Variants in MSRA observed in about 807,000 individuals in gnomAD.
MSRA encodes methionine sulfoxide reductase A, also known as mitochondrial peptide methionine sulfoxide reductase.
MSRA carries 54 observed loss-of-function variants against 31.3 expected under a neutral mutation model. The ratio of observed to expected loss-of-function variants is 1.73; its 90% confidence interval spans 1.39 to 2.17. MSRA has a LOEUF of 2.17. Among genes scored for constraint, MSRA ranks in the 30% most tolerant of loss-of-function variants. The probability of loss-of-function intolerance (pLI) is 0.00; values close to 1 mark genes in which losing one functional copy is unlikely to be tolerated. For missense variants in MSRA, 507 were observed against 300.9 expected (o/e 1.69, Z -5.07); for synonymous variants, 169 against 116.5 (o/e 1.45, Z -2.90).
chr8:10,219,587 A>T (rs1810298749), intron 2 of MSRA, among the ~76,000 whole-genome samples: 1 of 152,004 alleles, frequency 6.6e-6, no homozygotes, highest in Non-Finnish European at 1.5e-5. Flanking sequence ...AGGTGGGTGG[A>T]TCACAAGGTC....
At chr8:10,343,376 G>A (rs11249991) in intron 5 of MSRA, among the ~76,000 whole-genome samples, 29,507 of 152,276 alleles carry the variant, frequency 0.19, 3,384 homozygotes, top group Non-Finnish European at 0.26. Flanking sequence ...AGTGTTTTCA[G>A]GGTGGAATGC....
chr8:10,332,132 G>C (rs907342563), intron 5 of MSRA, among the ~76,000 whole-genome samples: 1 of 152,106 alleles, frequency 6.6e-6, no homozygotes, highest in Non-Finnish European at 1.5e-5. Flanking sequence ...TTTGTTCCCA[G>C]GGAAATGGGT....
chr8:10,117,919 C>T (rs1287042124), intron 1 of MSRA, among the ~76,000 whole-genome samples: 1 of 152,158 alleles, frequency 6.6e-6, no homozygotes, highest in African/African-American at 2.4e-5. Context: ...CAAATGTAAC[C>T]TTTCATCTTG....
chr8:10,368,754 G>A (rs1805309368), intron 5 of MSRA, among the ~76,000 whole-genome samples: 2 of 152,368 alleles, frequency 1.3e-5, no homozygotes, highest in East Asian at 1.9e-4. Flanking sequence ...TAGGGACAGA[G>A]TGAATGTCAC....
intron 1 of MSRA, among the ~76,000 whole-genome samples, chr8:10,116,152 C>T (rs1325089066): frequency 6.6e-6 from 1 of 152,326 alleles, no homozygotes; most frequent in Non-Finnish European, 1.5e-5. Flanking sequence ...CACTAAAACT[C>T]AAGTTAGATT....
At chr8:10,143,036 G>T (rs750406854) in intron 1 of MSRA, among the ~76,000 whole-genome samples, 2 of 152,154 alleles carry the variant, frequency 1.3e-5, no homozygotes, top group South Asian at 2.1e-4. Flanking sequence ...GGAGTAAGAA[G>T]TAGAAGATTT....
chr8:10,290,342 C>T (rs2129116098), intron 3 of MSRA, among the ~76,000 whole-genome samples: 1 of 152,124 alleles, frequency 6.6e-6, no homozygotes, highest in South Asian at 2.1e-4. Context: ...AGTGCCCTGT[C>T]TTGAAATGGT....
rs142846182 is a variant in MSRA, at chr8:10,261,340, A to G, written c.331+16117A>G. Among the ~76,000 whole-genome samples the G allele has an allele frequency of 8.7e-3, 1,324 of 151,844 alleles. 16 individuals are homozygous for G. The highest frequency in any genetic ancestry group is 0.029 in the African/African-American group (1,200 of 41,412). Reference sequence around the variant, plus strand: ...TGCTAGGGACCGGATACAGTGGTGAACAGGATAAAATTGTTTCTGTCTTCA... The same window carrying G: ...TGCTAGGGACCGGATACAGTGGTGAGCAGGATAAAATTGTTTCTGTCTTCA... On this transcript the variant is annotated intron_variant, in intron 3 of 5. Coordinates refer to ENST00000317173, the MANE Select transcript of MSRA (RefSeq NM_012331.5).
rs1356623400 is a variant in MSRA, at chr8:10,209,215, T to A, written c.211+1314T>A. Among the ~76,000 whole-genome samples, 39 of 152,228 alleles carry A rather than the reference T, an allele frequency of 2.6e-4. 1 individual carries two copies. The highest frequency in any genetic ancestry group is 2.6e-3 in the Admixed American group (39 of 15,286). ...TGCTAACTTTCCTGTCCCAGCATGGTGTCTGTTATCATGGGACAGCAAATG... is the reference window on the plus strand; with the variant it reads ...TGCTAACTTTCCTGTCCCAGCATGGAGTCTGTTATCATGGGACAGCAAATG... On this transcript the variant is annotated intron_variant, in intron 2 of 5. Transcript: ENST00000317173.
intron 1 of MSRA, among the ~76,000 whole-genome samples, chr8:10,152,293 T>G (rs889478340): frequency 1.3e-5 from 2 of 152,370 alleles, no homozygotes; most frequent in African/African-American, 4.8e-5. Flanking sequence ...AAAATTGGAT[T>G]GAGTCATAAA....
At chr8:10,249,585 C>G (rs757247974) in intron 3 of MSRA, among the ~76,000 whole-genome samples, 1 of 152,302 alleles carries the variant, frequency 6.6e-6, no homozygotes, top group Admixed American at 6.5e-5. Flanking sequence ...TTACCTCACC[C>G]AGATGTTTTG....
At chr8:10,068,288 C>T (rs1390978202) in intron 1 of MSRA, among the ~76,000 whole-genome samples, 2 of 152,132 alleles carry the variant, frequency 1.3e-5, no homozygotes, top group African/African-American at 2.4e-5. Context: ...ATCTTCTTGA[C>T]AGTATCTTTG....
chr8:10,173,599 T>G (rs192495599), intron 1 of MSRA, among the ~76,000 whole-genome samples: 2 of 152,306 alleles, frequency 1.3e-5, no homozygotes, highest in Non-Finnish European at 2.9e-5. Flanking sequence ...CTCAAACGTA[T>G]GCTCAGCACT....
At chr8:10,351,756 T>C (rs1042692707) in intron 5 of MSRA, among the ~76,000 whole-genome samples, 54 of 152,236 alleles carry the variant, frequency 3.5e-4, no homozygotes, top group African/African-American at 1.2e-3. Context: ...GCAGTACTTC[T>C]CAAACTTTCA....
chr8:10,427,704 C>G (rs1363687553), intron 5 of MSRA, among the ~76,000 whole-genome samples: 1 of 152,158 alleles, frequency 6.6e-6, no homozygotes, highest in Non-Finnish European at 1.5e-5. Context: ...CCTACCCTGT[C>G]CACCCGTTTC....
At chr8:10,396,350 C>A (rs1319579115) in intron 5 of MSRA, among the ~76,000 whole-genome samples, 3 of 152,178 alleles carry the variant, frequency 2.0e-5, no homozygotes, top group African/African-American at 7.2e-5. Flanking sequence ...GAATATGTAA[C>A]ATTTTAATAA....
At chr8:10,120,622 G>A (rs1055518636) in intron 1 of MSRA, among the ~76,000 whole-genome samples, 2 of 152,236 alleles carry the variant, frequency 1.3e-5, no homozygotes, top group Admixed American at 1.3e-4. Context: ...TATGCTGGAT[G>A]TGCTCAGGAT....
chr8:10,280,092 T>A (rs1366349711), intron 3 of MSRA, among the ~76,000 whole-genome samples: 1 of 152,240 alleles, frequency 6.6e-6, no homozygotes, highest in African/African-American at 2.4e-5. Context: ...AAGAAATTTT[T>A]GACGTGAAGT....
chr8:10,167,379 C>T (rs1435976198), intron 1 of MSRA, among the ~76,000 whole-genome samples: 1 of 152,136 alleles, frequency 6.6e-6, no homozygotes, highest in African/African-American at 2.4e-5. Flanking sequence ...GTGTTATTAA[C>T]ATGTAAAAGA....
Sources: gnomAD v4.1 joint callset for allele counts (sites outside exome capture counted in the v4.1 genomes callset) on GRCh38, gnomAD v4.1.1 for gene constraint, MANE v1.5 for transcripts, NCBI Gene and HGNC (gene_info 2026-07-23, HGNC 2026-07-21) for gene names.